CUX1: variants seen among roughly 807,000 people sequenced by gnomAD.
CUX1 encodes cut like homeobox 1.
CUX1 carries 31 observed loss-of-function variants against 158.8 expected under a neutral mutation model. The observed-to-expected ratio is 0.20, with a 90% CI of 0.15 to 0.26. CUX1 has a LOEUF of 0.26. Ranked by LOEUF, CUX1 falls within the 10% of genes least tolerant of loss-of-function variation. The probability of loss-of-function intolerance (pLI) is 1.00; values close to 1 mark genes in which losing one functional copy is unlikely to be tolerated. For synonymous variants in CUX1, 879 were observed against 862.1 expected (o/e 1.02, Z -0.34); for missense variants, 1,589 against 2,014.6 (o/e 0.79, Z 4.04).
chr7:102,205,065 A>G, intron 19 of CUX1, 49 bp from the exon 20 acceptor site: 1 of 1,317,610 alleles, frequency 7.6e-7, no homozygotes, highest in Non-Finnish European at 1.1e-6. Context: ...GGAAGCTTTA[A>G]GCCCTGGGCC....
chr7:102,260,519 G>A (rs1395473211), downstream of CUX1, among the ~76,000 whole-genome samples: 1 of 146,456 alleles, frequency 6.8e-6, no homozygotes, highest in East Asian at 2.0e-4. Flanking sequence ...CGATTCTCCT[G>A]CCTCCGCCTC....
intron 3 of CUX1, among the ~76,000 whole-genome samples, chr7:102,052,394 T>C (rs1192454339): frequency 1.3e-5 from 2 of 152,330 alleles, no homozygotes; most frequent in East Asian, 3.9e-4. Flanking sequence ...ATATTAGTTT[T>C]TTGTTCCCGG....
intron 2 of CUX1, among the ~76,000 whole-genome samples, chr7:102,013,193 T>G (rs1818228365): frequency 6.6e-6 from 1 of 150,874 alleles, no homozygotes; most frequent in Admixed American, 6.6e-5. Flanking sequence ...TGCTGTCTTG[T>G]GTGGCTGAGA....
chr7:102,190,089 G>T (rs1179973404), intron 12 of CUX1, among the ~76,000 whole-genome samples: 4 of 152,254 alleles, frequency 2.6e-5, no homozygotes, highest in Non-Finnish European at 5.9e-5. Context: ...TTGGACTTTT[G>T]CTAAAAGCTG....
chr7:102,262,170 G>A (rs782695482), downstream of CUX1, among the ~76,000 whole-genome samples: 1 of 152,162 alleles, frequency 6.6e-6, no homozygotes, highest in Non-Finnish European at 1.5e-5. Flanking sequence ...TTTGGGAGCC[G>A]AGGCGGGTGG....
chr7:102,149,307 C>T (rs1835359464), intron 8 of CUX1, among the ~76,000 whole-genome samples: 1 of 152,126 alleles, frequency 6.6e-6, no homozygotes, highest in Non-Finnish European at 1.5e-5. Context: ...TGCAGAGGCC[C>T]TTGTACCACT....
chr7:101,975,524 C>A (rs1438439908), intron 2 of CUX1, among the ~76,000 whole-genome samples: 1 of 151,956 alleles, frequency 6.6e-6, no homozygotes, highest in Admixed American at 6.6e-5. Context: ...GTCATGTACT[C>A]CAACCTGGGT....
At chr7:102,090,909 A>G (rs1828518882) in intron 4 of CUX1, among the ~76,000 whole-genome samples, 1 of 152,184 alleles carries the variant, frequency 6.6e-6, no homozygotes, top group South Asian at 2.1e-4. Context: ...CAATTTATGC[A>G]TGAAGAAACT....
At chr7:102,107,136 A>G (rs1830442394) in intron 6 of CUX1, among the ~76,000 whole-genome samples, 2 of 152,222 alleles carry the variant, frequency 1.3e-5, no homozygotes, top group African/African-American at 4.8e-5. Context: ...TGGGAGGCTG[A>G]GGCAGGAGGA....
chr7:102,186,604 T>A lies in CUX1; in HGVS notation c.1018-3209T>A, dbSNP rs576576026. Among the ~76,000 whole-genome samples, 4 of 151,394 alleles carry A rather than the reference T, an allele frequency of 2.6e-5. No individual in the cohort carries two copies. In the South Asian group the frequency reaches 8.3e-4, roughly 31 times the overall value. ...ATATATATATATATATATTTTTTTTTATTTATGCCTATTTTTCATACAGAA... is the reference window on the plus strand; with the variant it reads ...ATATATATATATATATATTTTTTTTAATTTATGCCTATTTTTCATACAGAA... On this transcript the variant is annotated intron_variant, in intron 11 of 23. Transcript: ENST00000292535.
intron 1 of CUX1, among the ~76,000 whole-genome samples, chr7:101,871,985 T>A (rs1584831723): frequency 6.8e-6 from 1 of 147,512 alleles, no homozygotes; most frequent in African/African-American, 2.5e-5. Context: ...ACCACTGCAC[T>A]CCAGCCTTGG....
intron 4 of CUX1, among the ~76,000 whole-genome samples, chr7:102,081,319 A>C (rs1827378608): frequency 8.5e-6 from 1 of 117,070 alleles, no homozygotes; most frequent in African/African-American, 2.6e-5. Context: ...TTGGCCACTG[A>C]TATGGTTTGG....
rs769552921 is a variant in CUX1 at position 102,037,354 on chromosome 7, C to CT, written c.189+9224dup. The stretch of plus-strand genomic sequence containing the variant: ...GGGTAGAATTTCTTTCTTTTCTTTT[C>CT]TTTTTTTTTTTTTTTGAGACGGAGT... On this transcript the variant is annotated intron_variant, in intron 3 of 23. Coordinates refer to ENST00000292535, the MANE Select transcript of CUX1 (RefSeq NM_181552.4). Among the ~76,000 whole-genome samples, 827 of 139,420 alleles carry CT rather than the reference C, an allele frequency of 5.9e-3. 6 individuals are homozygous for CT. Among genetic ancestry groups the CT allele is most frequent in the African/African-American group, 0.011 (426 of 38,484 alleles). The allele number at this position is 139,420 out of a possible 152,430, so 91.5% of individuals were successfully genotyped here.
Position 102,189,270 on chromosome 7 carries a change from C to T in CUX1, c.1018-543C>T, listed in dbSNP as rs185992219. On this transcript the variant is annotated intron_variant, in intron 11 of 23. Coordinates refer to ENST00000292535, the MANE Select transcript of CUX1 (RefSeq NM_181552.4). ...CACCAGGAAAGCCTCTCCTCCTGTC[C>T]TCCTGTTTGCTGTTTCATGGCACTT... Among the ~76,000 whole-genome samples the T allele has an allele frequency of 4.0e-4, 61 of 151,682 alleles. No homozygotes were observed. In the East Asian group the frequency reaches 0.011, roughly 26 times the overall value.
At position 101,921,850 on chromosome 7, in the gene CUX1, GC is replaced by G. The variant is rs764912707; in HGVS notation, c.141+5626del. 8.5e-4 allele frequency among the ~76,000 whole-genome samples: 130 copies of G among 152,136 alleles called. 2 individuals are homozygous for G. Among genetic ancestry groups the G allele is most frequent in the Admixed American group, 5.2e-4 (8 of 15,278 alleles). On this transcript the variant is annotated intron_variant, in intron 2 of 23. Coordinates refer to ENST00000292535, the MANE Select transcript of CUX1 (RefSeq NM_181552.4). The stretch of plus-strand genomic sequence containing the variant: ...AGTTGGTTTGTGGCCAGACACAGTG[GC>G]TTACGCCTGTAATCCCAGTGCTTTG...
At chr7:102,042,327 A>G (rs1312872380) in intron 3 of CUX1, among the ~76,000 whole-genome samples, 1 of 152,136 alleles carries the variant, frequency 6.6e-6, no homozygotes, top group Non-Finnish European at 1.5e-5. Context: ...TCATTTTTCA[A>G]AGCCCACCTC....
At chr7:102,237,323 G>A (rs1250621266) in intron 22 of CUX1, among the ~76,000 whole-genome samples, 2 of 151,952 alleles carry the variant, frequency 1.3e-5, no homozygotes, top group East Asian at 3.9e-4. Context: ...GGTGTTCTGG[G>A]CTCAAGTGAT....
intron 1 of CUX1, chr7:101,818,946 G>C (rs544836013): frequency 4.6e-5 from 7 of 152,256 alleles, no homozygotes; most frequent in Non-Finnish European, 8.8e-5. Context: ...TCTTTGCAGA[G>C]AGAAATCCAG....
intron 3 of CUX1, 41 bp downstream of exon 3, chr7:102,028,186 GT>G: frequency 4.4e-6 from 7 of 1,600,220 alleles, no homozygotes; most frequent in Non-Finnish European, 5.1e-6. Context: ...GCCACCCTTC[GT>G]GGCTAATTGG....
Sources: gnomAD v4.1 joint callset for allele counts (sites outside exome capture counted in the v4.1 genomes callset) on GRCh38, gnomAD v4.1.1 for gene constraint, MANE v1.5 for transcripts, NCBI Gene and HGNC (gene_info 2026-07-23, HGNC 2026-07-21) for gene names.